The following PTPN13 variants were observed in gnomAD, a reference collection of about 807,000 sequenced individuals.
PTPN13 encodes the protein protein tyrosine phosphatase non-receptor type 13.
In PTPN13, 191 loss-of-function variants were observed where a neutral mutation model predicts 284.0. That is an observed-to-expected ratio of 0.67 (90% CI 0.60 to 0.76). PTPN13 has a LOEUF of 0.76. PTPN13 is among the 30% of genes least tolerant of loss of function. The pLI is 0.00. For missense variants in PTPN13, 2,797 were observed against 2,939.9 expected, an observed-to-expected ratio of 0.95 and a Z score of 1.12; for synonymous variants, 986 against 1,022.3, an observed-to-expected ratio of 0.96 and a Z score of 0.68.
chr4:86,635,230 A>G, intron 1 of PTPN13, 22 bp from the exon 2 acceptor site: 2 of 1,570,840 alleles, frequency 1.3e-6, no homozygotes, highest in Non-Finnish European at 1.7e-6. Flanking sequence ...TGCATAGACC[A>G]TCTGTTACCT....
intron 40 of PTPN13, among the ~76,000 whole-genome samples, chr4:86,788,443 C>T (rs1382316782): frequency 6.6e-6 from 1 of 152,100 alleles, no homozygotes; most frequent in Non-Finnish European, 1.5e-5. Flanking sequence ...TATTCTGTAA[C>T]TTTGAAAGTT....
intron 1 of PTPN13, among the ~76,000 whole-genome samples, chr4:86,613,452 A>G (rs1720158964): frequency 6.6e-6 from 1 of 152,032 alleles, no homozygotes. Context: ...TGGCTAACAC[A>G]GTGAAACCCG....
In PTPN13 at chr4:86,668,821, G is replaced by A. The variant is rs551438163; in HGVS notation, c.116-3544G>A. Reference sequence around the variant, plus strand: ...GGGGTTTCTCTATGTTGGCCAGGCTGGTCTTGAACCCCTGACCTCAGGTGA... The same window carrying A: ...GGGGTTTCTCTATGTTGGCCAGGCTAGTCTTGAACCCCTGACCTCAGGTGA... On this transcript the variant is annotated intron_variant, in intron 2 of 47. Transcript: ENST00000411767. Among the ~76,000 whole-genome samples the A allele has an allele frequency of 1.4e-4, 20 of 147,118 alleles. No homozygotes were observed. The East Asian group carries it at 4.0e-3, about 29-fold the overall frequency.
At chr4:86,637,920 T>C (rs1342055063) in intron 2 of PTPN13, among the ~76,000 whole-genome samples, 5 of 151,528 alleles carry the variant, frequency 3.3e-5, no homozygotes, top group African/African-American at 1.2e-4. Flanking sequence ...TGATTGTATA[T>C]CTAGAAAACC....
At position 86,701,813 on chromosome 4, in the gene PTPN13, T is replaced by C; in HGVS notation, c.1195+12T>C. On this transcript the variant is annotated intron_variant, in intron 7 of 47. Coordinates refer to ENST00000411767, the MANE Select transcript of PTPN13 (RefSeq NM_080683.3). ...CATGAATGTAGAAGGTTAGTAATTC[T>C]GTGCATGTTTGAGAAAGAATTGAAG... The C allele has an allele frequency of 1.3e-6, 2 of 1,564,206 alleles. No homozygotes were observed. Among genetic ancestry groups the C allele is most frequent in the Non-Finnish European group, 8.6e-7 (1 of 1,156,630 alleles).
At chr4:86,788,084 A>G (rs28502328) in intron 40 of PTPN13, among the ~76,000 whole-genome samples, 15,149 of 152,224 alleles carry the variant, frequency 0.1, 877 homozygotes, top group Non-Finnish European at 0.11. Flanking sequence ...AGCAAAGAAA[A>G]TGAGGGAACA....
At chr4:86,634,316 A>G (rs1722779163) in intron 1 of PTPN13, among the ~76,000 whole-genome samples, 1 of 152,198 alleles carries the variant, frequency 6.6e-6, no homozygotes. Context: ...ATCACTCTAA[A>G]GAACAATTTT....
intron 2 of PTPN13, among the ~76,000 whole-genome samples, chr4:86,655,875 A>G (rs1293503332): frequency 1.3e-5 from 2 of 152,218 alleles, no homozygotes; most frequent in Non-Finnish European, 2.9e-5. Flanking sequence ...ACTTTCAGGT[A>G]CACCAATCAG....
intron 6 of PTPN13, among the ~76,000 whole-genome samples, chr4:86,698,044 C>T (rs1188228415): frequency 3.9e-5 from 6 of 152,056 alleles, no homozygotes; most frequent in Admixed American, 2.6e-4. Context: ...TTTTAGCAAG[C>T]TATGCATTCT....
intron 2 of PTPN13, among the ~76,000 whole-genome samples, chr4:86,660,521 T>G (rs184700059): frequency 6.6e-6 from 1 of 152,256 alleles, no homozygotes; most frequent in East Asian, 1.9e-4. Flanking sequence ...GTGCCTTAAT[T>G]ATTATATTCC....
At chr4:86,767,698 G>T in intron 27 of PTPN13, 119 bp from the exon 28 acceptor site, 5 of 769,928 alleles carry the variant, frequency 6.5e-6, no homozygotes, top group South Asian at 3.8e-5. Flanking sequence ...TTCATTTGGT[G>T]GACCAAATTT....
intron 47 of PTPN13, among the ~76,000 whole-genome samples, chr4:86,814,252 G>A (rs1033804856): frequency 2.6e-5 from 4 of 151,638 alleles, no homozygotes; most frequent in East Asian, 1.9e-4. Context: ...TGATCCACCC[G>A]CCTCAGCCTC....
intron 2 of PTPN13, among the ~76,000 whole-genome samples, chr4:86,660,611 GT>G (rs1726375953): frequency 1.3e-5 from 2 of 152,150 alleles, no homozygotes; most frequent in South Asian, 4.1e-4. Flanking sequence ...CCCTGCATTC[GT>G]AACTCCAGAA....
chr4:86,677,745 G>A (rs1411517846), intron 3 of PTPN13, among the ~76,000 whole-genome samples: 1 of 151,510 alleles, frequency 6.6e-6, no homozygotes, highest in African/African-American at 2.4e-5. Context: ...ACCATACTAT[G>A]TTCCACTAGC....
At chr4:86,621,628 A>G (rs1010133502) in intron 1 of PTPN13, among the ~76,000 whole-genome samples, 4 of 152,072 alleles carry the variant, frequency 2.6e-5, no homozygotes, top group Non-Finnish European at 5.9e-5. Context: ...AGAAATGTTG[A>G]TGTGTTAGAT....
Position 86,689,145 on chromosome 4 carries a change from C to T in PTPN13, c.501C>T (p.Ser167=), listed in dbSNP as rs200531343. ...IRNSNCAPSF[S]YVKHLVKLVL... is the part of the protein sequence containing the mutation. Reference sequence around the variant, plus strand: ...ATAGCAATTGTGCACCCTCATTTTCCTACGTGAAACACTTGGTAAAACTGG... The same window carrying T: ...ATAGCAATTGTGCACCCTCATTTTCTTACGTGAAACACTTGGTAAAACTGG... Residue 167 remains serine, a synonymous_variant, in exon 5 of 48, where the codon TCC becomes TCT. Transcript: ENST00000411767. The T allele has an allele frequency of 6.2e-7, 1 of 1,613,628 alleles. No homozygotes were observed. Among genetic ancestry groups the T allele is most frequent in the Non-Finnish European group, 8.5e-7 (1 of 1,179,632 alleles).
chr4:86,646,427 A>G (rs1724431077), intron 2 of PTPN13, among the ~76,000 whole-genome samples: 1 of 151,556 alleles, frequency 6.6e-6, no homozygotes, highest in Non-Finnish European at 1.5e-5. Context: ...CCTCTCAAGT[A>G]GCTGGAATCA....
intron 10 of PTPN13, among the ~76,000 whole-genome samples, chr4:86,730,640 A>C (rs531515898): frequency 6.7e-6 from 1 of 149,862 alleles, no homozygotes; most frequent in African/African-American, 2.4e-5. Context: ...CTGGTCTGCC[A>C]CTTGCTAAGA....
At chr4:86,633,197 G>A (rs1348408048) in intron 1 of PTPN13, among the ~76,000 whole-genome samples, 1 of 152,074 alleles carries the variant, frequency 6.6e-6, no homozygotes, top group Non-Finnish European at 1.5e-5. Context: ...AATCCTCTGG[G>A]TAGGATTTCA....
Sources: allele counts gnomAD v4.1 joint callset (sites outside exome capture counted in the v4.1 genomes callset), GRCh38; gene constraint gnomAD v4.1.1; transcripts MANE v1.5; gene names NCBI Gene and HGNC (gene_info 2026-07-23, HGNC 2026-07-21).